Variants in FRRS1 observed in about 807,000 individuals in gnomAD.
FRRS1 encodes the protein ferric chelate reductase 1.
FRRS1 carries 51 observed loss-of-function variants against 70.7 expected under a neutral mutation model. The ratio of observed to expected loss-of-function variants is 0.72; its 90% confidence interval spans 0.58 to 0.91. The LOEUF (loss-of-function observed/expected upper bound fraction) is 0.91. Among genes scored for constraint, FRRS1 ranks in the 40% least tolerant of loss-of-function variants. The probability of loss-of-function intolerance (pLI) is 0.00; values close to 1 mark genes in which losing one functional copy is unlikely to be tolerated. For missense variants in FRRS1, 672 were observed against 726.0 expected (o/e 0.93, Z 0.86); for synonymous variants, 225 against 238.7 (o/e 0.94, Z 0.53).
At chr1:99,761,735 G>GT (rs1557711389) in intron 1 of FRRS1, among the ~76,000 whole-genome samples, 1 of 151,958 alleles carries the variant, frequency 6.6e-6, no homozygotes, top group South Asian at 2.1e-4. Flanking sequence ...ACATACAAGG[G>GT]TTTTTTCTGT....
chr1:99,753,387 A>C (rs900197686), intron 1 of FRRS1, among the ~76,000 whole-genome samples: 2 of 151,704 alleles, frequency 1.3e-5, no homozygotes, highest in African/African-American at 4.8e-5. Flanking sequence ...AAATTTTTTT[A>C]TAATTTGATT....
At chr1:99,720,677 C>T (rs998681895) in intron 9 of FRRS1, among the ~76,000 whole-genome samples, 1 of 152,038 alleles carries the variant, frequency 6.6e-6, no homozygotes, top group African/African-American at 2.4e-5. Flanking sequence ...TATAAAACTA[C>T]TCTTTTTAAT....
Position 99,719,528 on chromosome 1 carries a change from A to G in FRRS1, c.1120+6T>C, listed in dbSNP as rs767420721. The G allele has an allele frequency of 3.5e-6, 5 of 1,443,356 alleles. No homozygotes were observed. In the Admixed American group the frequency reaches 8.4e-5, roughly 24 times the overall value. 89.4% of individuals were successfully genotyped at this position (1,443,356 alleles called of 1,614,324 possible). On this transcript the variant is annotated splice_donor_region_variant and intron_variant, in intron 10 of 16. Transcript: ENST00000646001. The stretch of plus-strand genomic sequence containing the variant: ...ATTCCACAAAGTAGTTACACATGTA[A>G]CCTACCATGAACCTTCAGAAGGAGT...
At chr1:99,713,117 AGG>A (rs1490830401) in intron 12 of FRRS1, among the ~76,000 whole-genome samples, 4 of 152,196 alleles carry the variant, frequency 2.6e-5, no homozygotes, top group Admixed American at 2.6e-4. Flanking sequence ...AGAATGTGCT[AGG>A]AACTGTCCTA....
In FRRS1 at chr1:99,744,064, T is replaced by TAAA. The variant is rs112254806; in HGVS notation, c.334-1794_334-1792dup. On this transcript the variant is annotated intron_variant, in intron 4 of 16. Transcript: ENST00000646001. The stretch of plus-strand genomic sequence containing the variant: ...AATGAATCCAGTATAAGAACGATTG[T>TAAA]AAAAAAAAAAAAAAGAAAGAAAAGA... Among the ~76,000 whole-genome samples the TAAA allele has an allele frequency of 7.2e-4, 89 of 124,348 alleles. 2 individuals are homozygous for TAAA. The highest frequency in any genetic ancestry group is 1.9e-3 in the East Asian group (9 of 4,654). The allele number at this position is 124,348 out of a possible 152,430, so 81.6% of individuals were successfully genotyped here.
At chr1:99,740,971 C>T (rs1469170549) in intron 5 of FRRS1, 31 bp from the exon 6 acceptor site, 1 of 1,598,216 alleles carries the variant, frequency 6.3e-7, no homozygotes, top group Non-Finnish European at 8.6e-7. Context: ...GATTAGAACC[C>T]TAATTGTGTC....
In FRRS1 at chr1:99,715,621, C is replaced by A. The variant is rs778492323; in HGVS notation, c.1288G>T (p.Val430Phe). 6.2e-7 allele frequency: 1 copy of A among 1,613,452 alleles called. No individual in the cohort carries two copies. Among genetic ancestry groups the A allele is most frequent in the Non-Finnish European group, 8.5e-7 (1 of 1,179,478 alleles). ...TTTVLTCIAF[V>F]MPFIYRGGWS... is the part of the protein sequence containing the mutation. ...CCTCCCCTGTATATAAACGGCATAA[C>A]AAAAGCAATGCAGGTGAGGACAGTT... is the stretch of plus-strand genomic sequence containing the variant. Residue 430 changes from valine to phenylalanine, a missense_variant, in exon 12 of 17, where the codon GTT becomes TTT. By Grantham distance (50) the Val-to-Phe change is conservative (BLOSUM62 -1). Coordinates refer to ENST00000646001, the MANE Select transcript of FRRS1 (RefSeq NM_001361041.2).
At position 99,738,075 on chromosome 1, in the gene FRRS1, G is replaced by C. The variant is rs201591165; in HGVS notation, c.759+11C>G. 337 of 1,596,726 alleles carry C rather than the reference G, an allele frequency of 2.1e-4. No individual in the cohort carries two copies. Among genetic ancestry groups the C allele is most frequent in the Non-Finnish European group, 2.1e-4 (241 of 1,169,200 alleles). ...CTTTTGTTACCACTTATGTAAGTGA[G>C]AGGTACCAACCATCCACTGATCATG... On this transcript the variant is annotated intron_variant, in intron 7 of 16. Coordinates refer to ENST00000646001, the MANE Select transcript of FRRS1 (RefSeq NM_001361041.2).
intron 13 of FRRS1, 114 bp from the exon 14 acceptor site, chr1:99,712,277 G>T: frequency 1.1e-6 from 1 of 947,518 alleles, no homozygotes; most frequent in Non-Finnish European, 1.6e-6. Context: ...TATCTGAAAT[G>T]CATTTTAAAG....
rs771306524 is a variant in FRRS1 at position 99,742,189 on chromosome 1, T to C, written c.418A>G (p.Thr140Ala). 6.3e-7 allele frequency: 1 copy of C among 1,594,546 alleles called. No homozygotes were observed. Among genetic ancestry groups the C allele is most frequent in the Non-Finnish European group, 8.6e-7 (1 of 1,162,200 alleles). The change falls in exon 5 of 17, where the codon ACA becomes GCA. Residue 140 changes from threonine to alanine, a missense_variant. Coordinates refer to ENST00000646001, the MANE Select transcript of FRRS1 (RefSeq NM_001361041.2). ...WNAPSSAPNH[T>A]QFLVTVVEKY... is the part of the protein sequence containing the mutation. ...AACTCTTATACTCACAGAAACTGTG[T>C]GTGATTTGGAGCACTGCTTGGAGCA...
rs1001494758 is a variant in FRRS1, at chr1:99,708,470, C to T, written c.*558G>A. 6.7e-6 allele frequency among the ~76,000 whole-genome samples: 1 copy of T among 150,226 alleles called. No homozygotes were observed. Among genetic ancestry groups the T allele is most frequent in the African/African-American group, 2.4e-5 (1 of 40,978 alleles). The stretch of plus-strand genomic sequence containing the variant: ...AAAATTAGCCCGGCATGGTGGCGGG[C>T]ACCTGTAGTCCCAGCTACTCAGGAG... On this transcript the variant is annotated 3_prime_UTR_variant, in exon 17 of 17. Transcript: ENST00000646001.
intron 1 of FRRS1, among the ~76,000 whole-genome samples, chr1:99,749,509 C>A (rs1244820537): frequency 1.3e-5 from 2 of 152,208 alleles, no homozygotes; most frequent in African/African-American, 4.8e-5. Context: ...ATTTAAATAT[C>A]ATCACCTGAA....
intron 11 of FRRS1, 73 bp from the exon 12 acceptor site, chr1:99,715,745 T>G: frequency 2.0e-6 from 2 of 989,866 alleles, no homozygotes; most frequent in Non-Finnish European, 3.2e-6. Flanking sequence ...ACGGGGAAAA[T>G]GGGGAAAAGA....
intron 4 of FRRS1, among the ~76,000 whole-genome samples, chr1:99,746,826 A>C (rs1656296822): frequency 6.6e-6 from 1 of 152,196 alleles, no homozygotes; most frequent in African/African-American, 2.4e-5. Context: ...AAAACGAAAA[A>C]ACAAAAAAGT....
intron 8 of FRRS1, 59 bp from the exon 9 acceptor site, chr1:99,728,699 T>C: frequency 6.7e-7 from 1 of 1,501,130 alleles, no homozygotes; most frequent in Non-Finnish European, 9.2e-7. Flanking sequence ...AAAAATAAGA[T>C]ATGATCAAAA....
At position 99,748,889 on chromosome 1, in the gene FRRS1, C is replaced by T. The variant is rs1656424145; in HGVS notation, c.-1+8G>A. 1.6e-6 allele frequency: 1 copy of T among 640,158 alleles called. No homozygotes were observed. Among genetic ancestry groups the T allele is most frequent in the African/African-American group, 1.8e-5 (1 of 54,340 alleles). The allele number at this position is 640,158 out of a possible 1,614,324, so 39.7% of individuals were successfully genotyped here. A position where few individuals can be genotyped will look rare whatever the true frequency, so the allele number is the denominator to read the frequency against. On this transcript the variant is annotated splice_region_variant and intron_variant, in intron 2 of 16. Transcript: ENST00000646001. The stretch of plus-strand genomic sequence containing the variant: ...TTCTGTGTTCAGCAAACCATATTCT[C>T]AACATACCTGATAAAAAGAATGTGA...
chr1:99,760,753 G>A (rs1048537256), intron 1 of FRRS1, among the ~76,000 whole-genome samples: 3 of 152,040 alleles, frequency 2.0e-5, no homozygotes, highest in Non-Finnish European at 1.5e-5. Flanking sequence ...GGGTTCAAGC[G>A]ATTCTCCTGC....
chr1:99,723,515 CA>C (rs1406689703), intron 9 of FRRS1, among the ~76,000 whole-genome samples: 2 of 150,820 alleles, frequency 1.3e-5, no homozygotes, highest in African/African-American at 4.9e-5. Context: ...GACCCTATCT[CA>C]AAAAAAAGAA....
rs1408297150 is a variant in FRRS1 at position 99,717,611 on chromosome 1, T to G, written c.1121-86A>C. The G allele has an allele frequency of 8.1e-6, 7 of 867,356 alleles. No homozygotes were observed. In the East Asian group the frequency reaches 1.7e-4, roughly 21 times the overall value. The allele number at this position is 867,356 out of a possible 1,614,324, so 53.7% of individuals were successfully genotyped here. A position where few individuals can be genotyped will look rare whatever the true frequency, so the allele number is the denominator to read the frequency against. On this transcript the variant is annotated intron_variant, in intron 10 of 16. Coordinates refer to ENST00000646001, the MANE Select transcript of FRRS1 (RefSeq NM_001361041.2). ...GACCAAGCCAAATGCTCAGAAAATATAAACAGCCAGCAAAATACATTCAGC... is the reference window on the plus strand; with the variant it reads ...GACCAAGCCAAATGCTCAGAAAATAGAAACAGCCAGCAAAATACATTCAGC...
Sources: allele counts gnomAD v4.1 joint callset (sites outside exome capture counted in the v4.1 genomes callset), GRCh38; gene constraint gnomAD v4.1.1; transcripts MANE v1.5; gene names NCBI Gene and HGNC (gene_info 2026-07-23, HGNC 2026-07-21).